Variants in C2CD3 observed in about 807,000 individuals in gnomAD.
C2CD3 encodes C2 domain-containing protein 3.
In C2CD3, 148 loss-of-function variants were observed where a neutral mutation model predicts 234.0. The observed-to-expected ratio is 0.63, with a 90% CI of 0.55 to 0.72. C2CD3 has a LOEUF of 0.72. C2CD3 is among the 30% of genes least tolerant of loss of function. The pLI, the probability that C2CD3 is intolerant of heterozygous loss-of-function variation, is 0.00. For synonymous variants in C2CD3, 1,000 were observed against 1,035.4 expected (o/e 0.97, Z 0.66); for missense variants, 2,577 against 2,811.5 (o/e 0.92, Z 1.89).
At chr11:74,019,716 G>A (rs1448910462) in intron 32 of C2CD3, among the ~76,000 whole-genome samples, 3 of 151,092 alleles carry the variant, frequency 2.0e-5, no homozygotes, top group Admixed American at 6.6e-5. Flanking sequence ...TCACTCTGTC[G>A]CCCAGGCTGA....
intron 3 of C2CD3, among the ~76,000 whole-genome samples, chr11:74,150,159 A>C (rs1855500728): frequency 6.6e-6 from 1 of 151,820 alleles, no homozygotes; most frequent in African/African-American, 2.4e-5. Flanking sequence ...CTTTTGTAAA[A>C]AAAAAAAAAA....
At chr11:74,098,577 G>A (rs1467644677) in intron 15 of C2CD3, among the ~76,000 whole-genome samples, 3 of 152,212 alleles carry the variant, frequency 2.0e-5, no homozygotes, top group Non-Finnish European at 4.4e-5. Flanking sequence ...GGGAGGAAGT[G>A]TGGTCTACTA....
At chr11:74,085,938 C>A in intron 20 of C2CD3, 52 bp from the exon 21 acceptor site, 1 of 1,522,362 alleles carries the variant, frequency 6.6e-7, no homozygotes, top group South Asian at 1.2e-5. Flanking sequence ...CATTAGAAAT[C>A]AGCTTGATTT....
chr11:74,161,448 C>T lies in C2CD3; in HGVS notation c.434G>A (p.Gly145Glu). Residue 145 changes from glycine (G) to glutamate (E), a missense_variant, in exon 3 of 33, where the codon GGA becomes GAA. By Grantham distance (98) the Gly-to-Glu change is moderately conservative (BLOSUM62 -2). Transcript: ENST00000334126. ...CGTTGATGAAACAATGGTAAAAAAT[C>T]CATTGATTTGATGGGTTGGAGAAAG... ...AQLSPTHQIN[G>E]FFTIVSSTSK... 1 of 1,601,430 alleles carries T rather than the reference C, an allele frequency of 6.2e-7. No individual in the cohort carries two copies. The highest frequency in any genetic ancestry group is 8.5e-7 in the Non-Finnish European group (1 of 1,173,198).
intron 23 of C2CD3, among the ~76,000 whole-genome samples, chr11:74,077,802 T>G (rs1297417725): frequency 7.7e-5 from 1 of 12,912 alleles, no homozygotes; most frequent in Non-Finnish European, 1.5e-4. Context: ...TATATATATA[T>G]ATATATATAT....
chr11:74,092,721 T>A (rs1245298465), intron 18 of C2CD3, 133 bp from the exon 19 acceptor site: 4 of 672,874 alleles, frequency 5.9e-6, no homozygotes, highest in East Asian at 2.8e-5. Flanking sequence ...GCAGCTATGG[T>A]GTCTGGCTAA....
chr11:74,164,872 C>A (rs1790409), intron 2 of C2CD3: 2 of 152,022 alleles, frequency 1.3e-5, no homozygotes, highest in Admixed American at 6.6e-5. Flanking sequence ...AAGTTTGACA[C>A]CAGCCTGGGG....
intron 1 of C2CD3, among the ~76,000 whole-genome samples, chr11:74,170,475 CATT>C (rs2135581106): frequency 6.6e-6 from 1 of 152,330 alleles, no homozygotes; most frequent in Admixed American, 6.5e-5. Context: ...CCAATCCCAT[CATT>C]GTTTGTTCTT....
chr11:74,025,741 AG>A (rs1952268826), intron 32 of C2CD3, among the ~76,000 whole-genome samples: 1 of 152,116 alleles, frequency 6.6e-6, no homozygotes, highest in African/African-American at 2.4e-5. Flanking sequence ...GGGAGCTAAG[AG>A]GGCCTGCTTT....
In C2CD3 at chr11:74,055,918, G is replaced by A. The variant is rs1953930691; in HGVS notation, c.5091-1247C>T. ...CCCTTCATCACGTTTGTGAAGTTTT[G>A]TAATTCTGTTAGGTTTTTAGGTTGT... is the stretch of plus-strand genomic sequence containing the variant. On this transcript the variant is annotated intron_variant, in intron 25 of 32. Coordinates refer to ENST00000334126, the MANE Select transcript of C2CD3 (RefSeq NM_001286577.2). Among the ~76,000 whole-genome samples the A allele has an allele frequency of 2.0e-5, 3 of 152,272 alleles. No homozygotes were observed. In the South Asian group the frequency reaches 6.2e-4, roughly 32 times the overall value.
intron 22 of C2CD3, among the ~76,000 whole-genome samples, chr11:74,081,394 A>C (rs1955351401): frequency 6.6e-6 from 1 of 152,198 alleles, no homozygotes. Flanking sequence ...ATAGGGAAAA[A>C]TAATGAGTGA....
intron 24 of C2CD3, 63 bp from the exon 25 acceptor site, chr11:74,057,607 G>A: frequency 6.5e-7 from 1 of 1,532,144 alleles, no homozygotes. Flanking sequence ...AGATTATACA[G>A]GCACAAGCAG....
intron 18 of C2CD3, among the ~76,000 whole-genome samples, chr11:74,093,139 A>C (rs1266722913): frequency 6.6e-6 from 1 of 151,680 alleles, no homozygotes; most frequent in East Asian, 1.9e-4. Flanking sequence ...ACTCATCCCT[A>C]GTTCTGTTCC....
In C2CD3 at chr11:74,100,679, A is replaced by T; in HGVS notation, c.2581-3T>A. 1.3e-6 allele frequency: 2 copies of T among 1,599,614 alleles called. 1 individual carries two copies. Among genetic ancestry groups the T allele is most frequent in the South Asian group, 2.3e-5 (2 of 87,752 alleles). On this transcript the variant is annotated splice_polypyrimidine_tract_variant and splice_region_variant and intron_variant, in intron 14 of 32. Transcript: ENST00000334126. ...GAAGACAGAGAGACAGGAATCACCT[A>T]AGAGAGAGGAACAACCAAAACAAAC... is the stretch of plus-strand genomic sequence containing the variant.
intron 11 of C2CD3, among the ~76,000 whole-genome samples, chr11:74,110,803 A>C (rs1017749349): frequency 5.3e-5 from 8 of 152,188 alleles, no homozygotes; most frequent in African/African-American, 1.9e-4. Flanking sequence ...TGTCCCAGAG[A>C]AGATTTTTTT....
At position 74,074,470 on chromosome 11, in the gene C2CD3, G is replaced by A; in HGVS notation, c.4734C>T (p.Ser1578=). The change falls in exon 24 of 33, where the codon AGC becomes AGT. Residue 1578 remains serine (S), a synonymous_variant. Coordinates refer to ENST00000334126, the MANE Select transcript of C2CD3 (RefSeq NM_001286577.2). The stretch of plus-strand genomic sequence containing the variant: ...TGGGGAGCTGCTCAGACTCACTGTG[G>A]CTGCTGCAGTCCATGGAGTCCAGCT... ...THELDSMDCS[S]HSESEQLPRR... is the part of the protein sequence containing the mutation. 6.2e-7 allele frequency: 1 copy of A among 1,614,174 alleles called. No individual in the cohort carries two copies. The highest frequency in any genetic ancestry group is 2.2e-5 in the East Asian group (1 of 44,878).
intron 24 of C2CD3, among the ~76,000 whole-genome samples, chr11:74,064,815 G>A (rs950095812): frequency 6.6e-6 from 1 of 151,998 alleles, no homozygotes; most frequent in Non-Finnish European, 1.5e-5. Context: ...AAAACAAATG[G>A]GAAAAGAATT....
intron 2 of C2CD3, among the ~76,000 whole-genome samples, chr11:74,162,587 A>G (rs1856546611): frequency 6.6e-6 from 1 of 152,216 alleles, no homozygotes; most frequent in African/African-American, 2.4e-5. Flanking sequence ...CACTTATCAT[A>G]CCATTCTGGG....
At chr11:74,014,380 C>A (rs1403041179) in intron 32 of C2CD3, among the ~76,000 whole-genome samples, 1 of 152,130 alleles carries the variant, frequency 6.6e-6, no homozygotes, top group South Asian at 2.1e-4. Context: ...GTCATCAAGT[C>A]CCATGAGCTG....
Sources: gnomAD v4.1 joint callset for allele counts (sites outside exome capture counted in the v4.1 genomes callset) on GRCh38, gnomAD v4.1.1 for gene constraint, MANE v1.5 for transcripts, NCBI Gene and HGNC (gene_info 2026-07-23, HGNC 2026-07-21) for gene names.